Variants in LARP4 observed in about 807,000 individuals in gnomAD.
The protein encoded by LARP4 is la-related protein 4.
Under a neutral mutation model 92.9 loss-of-function variants are expected in LARP4, and 29 were observed. The observed-to-expected ratio is 0.31, with a 90% CI of 0.23 to 0.43. The LOEUF (loss-of-function observed/expected upper bound fraction) is 0.43, where lower values mean the gene tolerates loss of function less well. LARP4 is among the 20% of genes least tolerant of loss of function. The pLI, the probability that LARP4 is intolerant of heterozygous loss-of-function variation, is 1.00. For missense variants in LARP4, 732 were observed against 860.0 expected (o/e 0.85, Z 1.86); for synonymous variants, 279 against 284.1 (o/e 0.98, Z 0.18).
intron 8 of LARP4, among the ~76,000 whole-genome samples, chr12:50,450,310 A>C (rs1461656018): frequency 6.6e-6 from 1 of 152,080 alleles, no homozygotes; most frequent in Non-Finnish European, 1.5e-5. Flanking sequence ...ATGCCAAAGG[A>C]CTGGAGTCAA....
In LARP4 at chr12:50,430,532, A is replaced by G. The variant is rs764637069; in HGVS notation, c.360A>G (p.Lys120=). ...CAGCAGTTTCTACAGAAGACCTAAA[A>G]GAATGTCTGAAGAAACAATTAGAAT... The part of the protein sequence containing the change: ...SNSAVSTEDL[K]ECLKKQLEFC... The change falls in exon 4 of 16, where the codon AAA becomes AAG. Residue 120 remains lysine (K), a synonymous_variant. Transcript: ENST00000398473. 4.4e-6 allele frequency: 7 copies of G among 1,608,238 alleles called. No homozygotes were observed. Among genetic ancestry groups the G allele is most frequent in the Non-Finnish European group, 6.0e-6 (7 of 1,176,228 alleles).
At chr12:50,473,336 T>C in intron 13 of LARP4, 79 bp from the exon 14 acceptor site, 7 of 1,046,914 alleles carry the variant, frequency 6.7e-6, no homozygotes, top group Non-Finnish European at 1.0e-5. Flanking sequence ...TTGACCATCT[T>C]CTCTTGTGCT....
In LARP4 at chr12:50,430,569, C is replaced by T. The variant is rs1408322438; in HGVS notation, c.397C>T (p.Arg133Ter). Residue 133 changes from arginine to a stop codon, truncating the protein, a stop_gained and splice_region_variant, in exon 4 of 16, where the codon CGA becomes TGA. Coordinates refer to ENST00000398473, the MANE Select transcript of LARP4 (RefSeq NM_052879.5). LOFTEE classifies it high-confidence loss of function. ...GAAACAATTAGAATTCTGTTTTTCA[C>T]GGTATTGCTGTTTCCCCTTTATTGA... ...LKKQLEFCFS[R>*]ENLSKDLYLI... 1 of 1,583,592 alleles carries T rather than the reference C, an allele frequency of 6.3e-7. No homozygotes were observed. The highest frequency in any genetic ancestry group is 8.7e-7 in the Non-Finnish European group (1 of 1,154,482).
chr12:50,453,074 C>CTTTT, intron 8 of LARP4, among the ~76,000 whole-genome samples: 1 of 136,126 alleles, frequency 7.3e-6, no homozygotes, highest in South Asian at 2.4e-4. Context: ...CCATGCCCAG[C>CTTTT]TTTTTTTTTT....
chr12:50,432,246 T>G (rs1171506513), intron 4 of LARP4, among the ~76,000 whole-genome samples: 1 of 152,228 alleles, frequency 6.6e-6, no homozygotes, highest in Non-Finnish European at 1.5e-5. Context: ...GTACATTACA[T>G]ACAACAGAAC....
chr12:50,458,869 T>C (rs1221717392), intron 10 of LARP4, among the ~76,000 whole-genome samples: 1 of 152,250 alleles, frequency 6.6e-6, no homozygotes, highest in Non-Finnish European at 1.5e-5. Flanking sequence ...TTTAACCACA[T>C]TGCATACCTT....
At chr12:50,452,069 G>A (rs932544830) in intron 8 of LARP4, among the ~76,000 whole-genome samples, 4 of 152,060 alleles carry the variant, frequency 2.6e-5, no homozygotes, top group Admixed American at 6.6e-5. Context: ...TTTCTCCATC[G>A]ATTCATTTGC....
Position 50,462,565 on chromosome 12 carries a change from C to CAA in LARP4, c.1335-17_1335-16insAA. 6 of 1,500,140 alleles carry CAA rather than the reference C, an allele frequency of 4.0e-6. No homozygotes were observed. The highest frequency in any genetic ancestry group is 5.5e-6 in the Non-Finnish European group (6 of 1,091,468). The allele number at this position is 1,500,140 out of a possible 1,614,324, so 92.9% of individuals were successfully genotyped here. On this transcript the variant is annotated splice_polypyrimidine_tract_variant and intron_variant, in intron 11 of 15. Coordinates refer to ENST00000398473, the MANE Select transcript of LARP4 (RefSeq NM_052879.5). ...TCCCTCCACCCCACCCCACCCCCAC[C>CAA]TTTTTCTTATTAAAAGGAGAACTCT... is the stretch of plus-strand genomic sequence containing the variant.
chr12:50,404,600 G>C (rs1944442768), intron 1 of LARP4, among the ~76,000 whole-genome samples: 2 of 151,682 alleles, frequency 1.3e-5, no homozygotes, highest in African/African-American at 4.8e-5. Flanking sequence ...TTCCTCTTGA[G>C]ACCGAGTCTC....
chr12:50,432,150 G>T (rs1949749816), intron 4 of LARP4, among the ~76,000 whole-genome samples: 1 of 152,088 alleles, frequency 6.6e-6, no homozygotes, highest in African/African-American at 2.4e-5. Flanking sequence ...TTATGGGTCT[G>T]CTTCTATTGT....
intron 1 of LARP4, among the ~76,000 whole-genome samples, chr12:50,410,480 A>G (rs922720569): frequency 6.8e-6 from 1 of 147,094 alleles, no homozygotes; most frequent in African/African-American, 2.5e-5. Context: ...ATCTCTGCTC[A>G]CTGCAGTCAC....
At chr12:50,469,459 C>A (rs1000018827) in intron 13 of LARP4, among the ~76,000 whole-genome samples, 1 of 151,868 alleles carries the variant, frequency 6.6e-6, no homozygotes, top group Non-Finnish European at 1.5e-5. Flanking sequence ...AAAAAATTAG[C>A]CAGGCATGGT....
chr12:50,400,935 C>G lies in LARP4; in HGVS notation c.-76C>G, dbSNP rs1297442088. The G allele has an allele frequency of 2.5e-6, 4 of 1,603,062 alleles. No individual in the cohort carries two copies. Among genetic ancestry groups the G allele is most frequent in the Non-Finnish European group, 3.4e-6 (4 of 1,169,956 alleles). On this transcript the variant is annotated 5_prime_UTR_variant, in exon 1 of 16. Transcript: ENST00000398473. Reference sequence around the variant, plus strand: ...GGCAAGGCGAGTGTGTGTCCTTATCCTAGCAATTGGGGCGCGGGCCTGTGA... The same window carrying G: ...GGCAAGGCGAGTGTGTGTCCTTATCGTAGCAATTGGGGCGCGGGCCTGTGA...
chr12:50,465,097 CGTG>C (rs1955968668), intron 12 of LARP4, among the ~76,000 whole-genome samples: 1 of 149,448 alleles, frequency 6.7e-6, no homozygotes, highest in Non-Finnish European at 1.5e-5. Context: ...TCAGGCCAGG[CGTG>C]GTGTCTCACG....
chr12:50,467,062 G>A lies in LARP4; in HGVS notation c.1487G>A (p.Gly496Asp). ...CCTGGAAGTTCATCAAGAATGCCAG[G>A]TGAACTCGTTTTGGAGAATAGGATG... is the stretch of plus-strand genomic sequence containing the variant. ...PLPGSSSRMP[G>D]ELVLENRMSD... The change falls in exon 13 of 16, where the codon GGT becomes GAT. Residue 496 changes from glycine (G) to aspartate (D), a missense_variant. Around this residue, in one of 7 missense-constraint regions of LARP4, gnomAD observed 264 missense variants for 269.5 expected, o/e 0.98. Coordinates refer to ENST00000398473, the MANE Select transcript of LARP4 (RefSeq NM_052879.5). 1 of 1,613,584 alleles carries A rather than the reference G, an allele frequency of 6.2e-7. No homozygotes were observed. The highest frequency in any genetic ancestry group is 8.5e-7 in the Non-Finnish European group (1 of 1,179,618).
chr12:50,436,898 A>G (rs1314416138), intron 5 of LARP4, among the ~76,000 whole-genome samples: 2 of 152,200 alleles, frequency 1.3e-5, no homozygotes, highest in Non-Finnish European at 2.9e-5. Context: ...ATTACAGAGG[A>G]TTACAAACAT....
intron 5 of LARP4, among the ~76,000 whole-genome samples, chr12:50,436,080 TG>T (rs1950387146): frequency 1.5e-5 from 1 of 68,724 alleles, no homozygotes; most frequent in African/African-American, 3.3e-5. Flanking sequence ...TGTGTGTGTG[TG>T]TGTGTGTGTG....
chr12:50,459,661 TA>T (rs1256500736), intron 10 of LARP4, among the ~76,000 whole-genome samples: 2 of 151,764 alleles, frequency 1.3e-5, no homozygotes, highest in African/African-American at 2.4e-5. Context: ...CCATCTCTAC[TA>T]AAAATACAAA....
At chr12:50,403,974 AG>A (rs1944340466) in intron 1 of LARP4, among the ~76,000 whole-genome samples, 3 of 152,192 alleles carry the variant, frequency 2.0e-5, no homozygotes, top group Non-Finnish European at 4.4e-5. Flanking sequence ...CTGTAATCCC[AG>A]CACTTTGGGA....
Sources: gnomAD v4.1 joint callset for allele counts (sites outside exome capture counted in the v4.1 genomes callset) on GRCh38, gnomAD v4.1.1 for gene constraint, gnomAD v4.1.1 regional missense constraint, MANE v1.5 for transcripts, NCBI Gene and HGNC (gene_info 2026-07-23, HGNC 2026-07-21) for gene names.